Variants in TLK2 observed in about 807,000 individuals in gnomAD.
TLK2 encodes the protein tousled like kinase 2.
Under a neutral mutation model 117.3 loss-of-function variants are expected in TLK2, and 6 were observed. The ratio of observed to expected loss-of-function variants is 0.05; its 90% CI spans 0.03 to 0.10. The LOEUF (loss-of-function observed/expected upper bound fraction) is 0.10. TLK2 is among the 10% of genes least tolerant of loss of function. The pLI, the probability that TLK2 is intolerant of heterozygous loss-of-function variation, is 1.00. For synonymous variants in TLK2, 257 were observed against 316.7 expected (o/e 0.81, Z 2.00); for missense variants, 299 against 901.2 (o/e 0.33, Z 8.56).
rs961672370 is a variant in TLK2 at position 62,511,014 on chromosome 17, T to G, written c.82-9759T>G. Among the ~76,000 whole-genome samples, 6 of 152,174 alleles carry G rather than the reference T, an allele frequency of 3.9e-5. No homozygotes were observed. The East Asian group carries it at 1.2e-3, about 29-fold the overall frequency. On this transcript the variant is annotated intron_variant, in intron 2 of 21. Transcript: ENST00000346027. ...GAGATTGGCAGGAAGTTGCACAAAA[T>G]GTATAGGAAGGTTCTGTTCATGCAC...
chr17:62,472,467 G>A lies in TLK2; in HGVS notation c.-205+1389G>A, dbSNP rs1030745236. Among the ~76,000 whole-genome samples, 9 of 152,000 alleles carry A rather than the reference G, an allele frequency of 5.9e-5. No individual in the cohort carries two copies. The South Asian group carries it at 6.2e-4, about 11-fold the overall frequency. On this transcript the variant is annotated intron_variant, in intron 1 of 4. Transcript: ENST00000579450. Reference sequence around the variant, plus strand: ...AAAAGCCAGGAGGCTGGCCGGGCACGGTGGCTCATGCCTGTAATCCCAGCA... The same window carrying A: ...AAAAGCCAGGAGGCTGGCCGGGCACAGTGGCTCATGCCTGTAATCCCAGCA...
chr17:62,477,102 A>T (rs143447069), upstream of TLK2, among the ~76,000 whole-genome samples: 1,916 of 151,752 alleles, frequency 0.013, 13 homozygotes, highest in Non-Finnish European at 0.017. Flanking sequence ...AAAAAAAAAA[A>T]TTTTTTTTAA....
chr17:62,491,637 C>T (rs1392287610), intron 2 of TLK2, among the ~76,000 whole-genome samples: 3 of 152,282 alleles, frequency 2.0e-5, no homozygotes, highest in Non-Finnish European at 4.4e-5. Flanking sequence ...CCAGGCTCCT[C>T]GAGTGCAGTA....
chr17:62,612,540 C>T lies in TLK2; in HGVS notation c.2228C>T (p.Ala743Val), dbSNP rs146155200. The T allele has an allele frequency of 1.4e-5, 23 of 1,613,188 alleles. No individual in the cohort carries two copies. Among genetic ancestry groups the T allele is most frequent in the South Asian group, 5.5e-5 (5 of 90,958 alleles). The part of the protein sequence containing the change: ...AGAAIASTSG[A>V]SNNSSSN ...GCTGCTATTGCATCAACCTCTGGGG[C>T]GTCCAATAACAGTTCTTCTAATTGA... Residue 743 changes from alanine (A) to valine (V), a missense_variant, in exon 22 of 22, where the codon GCG (alanine) becomes GTG (valine). By Grantham distance (64) the Ala-to-Val change is moderately conservative (BLOSUM62 0). Around this residue, in one of 4 missense-constraint regions of TLK2, gnomAD observed 19 missense variants for 29.2 expected, o/e 0.65. Transcript: ENST00000346027.
intron 9 of TLK2, among the ~76,000 whole-genome samples, chr17:62,557,765 A>G (rs1354118305): frequency 6.6e-6 from 1 of 152,204 alleles, no homozygotes; most frequent in Admixed American, 6.5e-5. Flanking sequence ...CTGACTCTTT[A>G]AGATTGAGAT....
At chr17:62,601,034 AC>A (rs887065165) in intron 18 of TLK2, among the ~76,000 whole-genome samples, 5 of 152,100 alleles carry the variant, frequency 3.3e-5, no homozygotes, top group Non-Finnish European at 7.3e-5. Context: ...GAGAAACAAT[AC>A]CTTTATCTTT....
At chr17:62,486,574 A>G (rs1238983476) in intron 2 of TLK2, among the ~76,000 whole-genome samples, 1 of 152,198 alleles carries the variant, frequency 6.6e-6, no homozygotes, top group Non-Finnish European at 1.5e-5. Flanking sequence ...GTTGCAGTTT[A>G]TATTTCACAC....
chr17:62,545,825 C>T (rs971488519), intron 7 of TLK2, among the ~76,000 whole-genome samples: 17 of 151,924 alleles, frequency 1.1e-4, no homozygotes, highest in African/African-American at 4.1e-4. Flanking sequence ...ACCTCAGCCT[C>T]CCCAAATAGC....
intron 15 of TLK2, among the ~76,000 whole-genome samples, chr17:62,585,208 A>T (rs1367530265): frequency 6.6e-6 from 1 of 152,188 alleles, no homozygotes; most frequent in Non-Finnish European, 1.5e-5. Context: ...GTGCTGGAGA[A>T]GTGACTTGGG....
chr17:62,573,346 C>A lies in TLK2; in HGVS notation c.1100C>A (p.Thr367Asn), dbSNP rs1299749458. The change falls in exon 12 of 22, where the codon ACC (threonine) becomes AAC (asparagine). Residue 367 changes from threonine (T) to asparagine (N), a missense_variant. By Grantham distance (65) the Thr-to-Asn change is moderately conservative. Transcript: ENST00000346027. ...TNEQKQRKSK[T>N]NGAENETLTL... ...GAGCAGAAACAGCGGAAAAGCAAGACCAATGGAGCTGAAAATGAAACGTAT... is the reference window on the plus strand; with the variant it reads ...GAGCAGAAACAGCGGAAAAGCAAGAACAATGGAGCTGAAAATGAAACGTAT... 1 of 1,614,064 alleles carries A rather than the reference C, an allele frequency of 6.2e-7. No homozygotes were observed. The highest frequency in any genetic ancestry group is 1.1e-5 in the South Asian group (1 of 91,072).
intron 1 of TLK2, among the ~76,000 whole-genome samples, chr17:62,473,003 C>CA (rs150008474): frequency 1.3e-5 from 2 of 152,058 alleles, no homozygotes; most frequent in Non-Finnish European, 2.9e-5. Context: ...CACTTACAAG[C>CA]AAAAAAATAA....
intron 7 of TLK2, among the ~76,000 whole-genome samples, chr17:62,537,407 G>C (rs369313398): frequency 6.6e-6 from 1 of 152,254 alleles, no homozygotes; most frequent in African/African-American, 2.4e-5. Context: ...TTTCGTGATA[G>C]TGTTAATTAG....
intron 19 of TLK2, among the ~76,000 whole-genome samples, chr17:62,605,050 A>G (rs2147233706): frequency 1.3e-5 from 2 of 152,036 alleles, no homozygotes; most frequent in African/African-American, 4.8e-5. Context: ...AGAACTGGCC[A>G]GGTGCAGTGG....
chr17:62,502,674 T>A (rs1450865), intron 2 of TLK2, among the ~76,000 whole-genome samples: 2 of 152,248 alleles, frequency 1.3e-5, no homozygotes, highest in African/African-American at 4.8e-5. Flanking sequence ...TTAAGTTTAG[T>A]TAGAATATAA....
chr17:62,519,884 A>G (rs926810060), intron 2 of TLK2, among the ~76,000 whole-genome samples: 4 of 152,106 alleles, frequency 2.6e-5, no homozygotes, highest in Admixed American at 6.5e-5. Flanking sequence ...TCTAGGCTGT[A>G]TCTTCATTAC....
chr17:62,515,540 G>A (rs1033299216), intron 2 of TLK2, among the ~76,000 whole-genome samples: 3 of 152,216 alleles, frequency 2.0e-5, no homozygotes, highest in Admixed American at 2.0e-4. Context: ...CTCAATGGAT[G>A]TGAGGCGGTG....
chr17:62,475,666 A>G (rs1000321835), upstream of TLK2, among the ~76,000 whole-genome samples: 14 of 150,648 alleles, frequency 9.3e-5, no homozygotes, highest in African/African-American at 2.9e-4. Flanking sequence ...TTAAATAATA[A>G]TTATTTTTTT....
intron 2 of TLK2, among the ~76,000 whole-genome samples, chr17:62,492,167 T>C: frequency 6.6e-6 from 1 of 152,218 alleles, no homozygotes; most frequent in Non-Finnish European, 1.5e-5. Flanking sequence ...TATTAAAATA[T>C]AAACCTTCAG....
At chr17:62,610,422 T>G (rs1260913762) in intron 21 of TLK2, among the ~76,000 whole-genome samples, 1 of 152,254 alleles carries the variant, frequency 6.6e-6, no homozygotes, top group Non-Finnish European at 1.5e-5. Context: ...TTAAGGAGTT[T>G]ATATTCCACT....
Sources: allele counts gnomAD v4.1 joint callset (sites outside exome capture counted in the v4.1 genomes callset), GRCh38; gene constraint gnomAD v4.1.1; regional missense constraint gnomAD v4.1.1; transcripts MANE v1.5; gene names NCBI Gene and HGNC (gene_info 2026-07-23, HGNC 2026-07-21).